Variants in ANKS1B observed in about 807,000 individuals in gnomAD.
The protein encoded by ANKS1B is ankyrin repeat and sterile alpha motif domain containing 1B, also known as ankyrin repeat and sterile alpha motif domain-containing protein 1B.
A neutral mutation model predicts 148.3 loss-of-function variants in ANKS1B; 36 were observed. That is an observed-to-expected ratio of 0.24 (90% confidence interval 0.19 to 0.32). The LOEUF (loss-of-function observed/expected upper bound fraction) is 0.32, where lower values mean the gene tolerates loss of function less well. ANKS1B is among the 10% of genes least tolerant of loss of function. The pLI, the probability that ANKS1B is intolerant of heterozygous loss-of-function variation, is 1.00. For synonymous variants in ANKS1B, 542 were observed against 560.8 expected (o/e 0.97, Z 0.47); for missense variants, 1,157 against 1,542.6 (o/e 0.75, Z 4.19).
At chr12:99,390,280 T>C (rs2094012698) in intron 12 of ANKS1B, among the ~76,000 whole-genome samples, 1 of 152,188 alleles carries the variant, frequency 6.6e-6, no homozygotes, top group South Asian at 2.1e-4. Flanking sequence ...ATCTTCAAAT[T>C]GTGTTTCACT....
chr12:98,742,116 C>A (rs1171863773), downstream of ANKS1B, among the ~76,000 whole-genome samples: 1 of 152,246 alleles, frequency 6.6e-6, no homozygotes, highest in Non-Finnish European at 1.5e-5. Flanking sequence ...TTGGAACATG[C>A]ATATTAGCTC....
chr12:99,620,613 T>C (rs984960685), intron 9 of ANKS1B, among the ~76,000 whole-genome samples: 2 of 152,122 alleles, frequency 1.3e-5, no homozygotes, highest in African/African-American at 2.4e-5. Context: ...CAAAATACAA[T>C]TGAAAGCTTC....
At chr12:99,710,781 C>T (rs968580057) in intron 8 of ANKS1B, among the ~76,000 whole-genome samples, 1 of 151,996 alleles carries the variant, frequency 6.6e-6, no homozygotes, top group African/African-American at 2.4e-5. Flanking sequence ...TCCTTTAGAC[C>T]TATATAGACC....
intron 1 of ANKS1B, among the ~76,000 whole-genome samples, chr12:99,868,682 A>AT (rs2091074311): frequency 6.6e-6 from 1 of 152,126 alleles, no homozygotes; most frequent in Non-Finnish European, 1.5e-5. Context: ...CATTTATAAC[A>AT]TTAAAAATAT....
intron 15 of ANKS1B, among the ~76,000 whole-genome samples, chr12:99,136,791 A>G (rs1031306819): frequency 6.6e-5 from 10 of 152,160 alleles, no homozygotes; most frequent in African/African-American, 2.2e-4. Flanking sequence ...TTTTATTTGT[A>G]TATTTGTTTG....
chr12:99,160,163 A>G (rs2076499967), intron 14 of ANKS1B, among the ~76,000 whole-genome samples: 1 of 152,088 alleles, frequency 6.6e-6, no homozygotes. Context: ...ATTTTCTCCC[A>G]TTCTGTAGGT....
At chr12:99,552,166 C>T (rs556111248) in intron 9 of ANKS1B, among the ~76,000 whole-genome samples, 1 of 152,218 alleles carries the variant, frequency 6.6e-6, no homozygotes, top group African/African-American at 2.4e-5. Context: ...GGTCAAATCA[C>T]CTATCACACA....
intron 12 of ANKS1B, among the ~76,000 whole-genome samples, chr12:99,370,141 T>C (rs1347393785): frequency 6.6e-6 from 1 of 152,134 alleles, no homozygotes; most frequent in Non-Finnish European, 1.5e-5. Flanking sequence ...CTTCAGCAGC[T>C]AACGGCATAG....
intron 8 of ANKS1B, among the ~76,000 whole-genome samples, chr12:99,702,706 C>CTAAT (rs2055047345): frequency 8.8e-6 from 1 of 113,954 alleles, no homozygotes; most frequent in Admixed American, 9.9e-5. Flanking sequence ...CCAAACCCAG[C>CTAAT]TAATTTTTTT....
intron 9 of ANKS1B, among the ~76,000 whole-genome samples, chr12:99,622,519 GAGA>G (rs1477768924): frequency 6.6e-6 from 1 of 151,746 alleles, no homozygotes; most frequent in African/African-American, 2.4e-5. Context: ...CAAAAACAAA[GAGA>G]AGAACACAAT....
intron 1 of ANKS1B, among the ~76,000 whole-genome samples, chr12:99,947,659 A>G (rs1171781237): frequency 6.6e-6 from 1 of 152,176 alleles, no homozygotes; most frequent in Non-Finnish European, 1.5e-5. Flanking sequence ...GTAGGTCAGA[A>G]GTCTGAGTGA....
intron 17 of ANKS1B, among the ~76,000 whole-genome samples, chr12:98,887,129 A>C (rs2099741871): frequency 6.6e-6 from 1 of 152,222 alleles, no homozygotes. Flanking sequence ...TAAATATTAT[A>C]AACACAGGCA....
chr12:99,715,319 T>C (rs1332413628), intron 8 of ANKS1B, among the ~76,000 whole-genome samples: 1 of 152,120 alleles, frequency 6.6e-6, no homozygotes, highest in Non-Finnish European at 1.5e-5. Flanking sequence ...CCTTAACTGA[T>C]GACATTGTCT....
Position 98,808,307 on chromosome 12 carries a change from C to T in ANKS1B, c.3067-389G>A, listed in dbSNP as rs1002699598. On this transcript the variant is annotated intron_variant, in intron 19 of 26. Transcript: ENST00000683438. Reference sequence around the variant, plus strand: ...CAGGAAAAAACCTTTAACACAGGTCCGATATTTTTATTTTCTTATCTTCAA... The same window carrying T: ...CAGGAAAAAACCTTTAACACAGGTCTGATATTTTTATTTTCTTATCTTCAA... 3.3e-5 allele frequency among the ~76,000 whole-genome samples: 5 copies of T among 152,218 alleles called. No individual in the cohort carries two copies. The East Asian group carries it at 5.8e-4, about 18-fold the overall frequency.
At chr12:99,415,814 G>C (rs931149211) in intron 11 of ANKS1B, among the ~76,000 whole-genome samples, 15 of 151,996 alleles carry the variant, frequency 9.9e-5, no homozygotes, top group African/African-American at 2.9e-4. Context: ...CTCCTAAGTA[G>C]CTGGGACTAC....
At chr12:99,592,626 A>G (rs2097714308) in intron 9 of ANKS1B, among the ~76,000 whole-genome samples, 1 of 152,168 alleles carries the variant, frequency 6.6e-6, no homozygotes. Context: ...GATGAAGACA[A>G]TAACGAGAAA....
chr12:99,836,705 T>C (rs2084913179), intron 1 of ANKS1B, among the ~76,000 whole-genome samples: 1 of 152,200 alleles, frequency 6.6e-6, no homozygotes, highest in Non-Finnish European at 1.5e-5. Context: ...TATTTTAACC[T>C]AGTTTTAACT....
chr12:98,899,749 C>T (rs1343858216), intron 17 of ANKS1B, among the ~76,000 whole-genome samples: 1 of 152,172 alleles, frequency 6.6e-6, no homozygotes, highest in African/African-American at 2.4e-5. Flanking sequence ...CCCCAACTAA[C>T]ACACCATGTA....
At chr12:99,476,928 C>T (rs560814081) in intron 10 of ANKS1B, among the ~76,000 whole-genome samples, 74 of 152,204 alleles carry the variant, frequency 4.9e-4, no homozygotes, top group Admixed American at 1.8e-3. Flanking sequence ...TGGCAGCATT[C>T]AGCTCCCACA....
Sources: allele counts gnomAD v4.1 joint callset (sites outside exome capture counted in the v4.1 genomes callset), GRCh38; gene constraint gnomAD v4.1.1; transcripts MANE v1.5; gene names NCBI Gene and HGNC (gene_info 2026-07-23, HGNC 2026-07-21).